The following SEMA3A variants were observed in gnomAD, a reference collection of about 807,000 sequenced individuals.
SEMA3A encodes the protein semaphorin-3A.
SEMA3A carries 29 observed loss-of-function variants against 97.9 expected under a neutral mutation model. The ratio of observed to expected loss-of-function variants is 0.30; its 90% CI spans 0.22 to 0.40. SEMA3A has a LOEUF of 0.40. SEMA3A is among the 10% of genes least tolerant of loss of function. The pLI, the probability that SEMA3A is intolerant of heterozygous loss-of-function variation, is 1.00. For missense variants in SEMA3A, 763 were observed against 951.3 expected (o/e 0.80, Z 2.60); for synonymous variants, 321 against 323.7 (o/e 0.99, Z 0.09).
intron 3 of SEMA3A, among the ~76,000 whole-genome samples, chr7:84,111,082 C>G (rs1036636715): frequency 2.6e-5 from 4 of 152,108 alleles, no homozygotes; most frequent in African/African-American, 9.7e-5. Context: ...TCATTAGTAA[C>G]CCATTTTGGA....
At chr7:83,988,459 G>C (rs1562956606) in intron 12 of SEMA3A, among the ~76,000 whole-genome samples, 3 of 151,890 alleles carry the variant, frequency 2.0e-5, no homozygotes. Flanking sequence ...TCGATCTCCC[G>C]ACCTCGTGAT....
At chr7:84,489,762 T>G (rs1434389375) in intron 1 of SEMA3A, among the ~76,000 whole-genome samples, 2 of 152,112 alleles carry the variant, frequency 1.3e-5, no homozygotes, top group Non-Finnish European at 2.9e-5. Flanking sequence ...TTTCTACACT[T>G]TCTATCTTGA....
At chr7:84,143,878 C>T (rs894028786) in intron 1 of SEMA3A, among the ~76,000 whole-genome samples, 5 of 148,032 alleles carry the variant, frequency 3.4e-5, no homozygotes, top group Non-Finnish European at 6.0e-5. Context: ...TTATTATCAT[C>T]ATTTCAACTA....
intron 4 of SEMA3A, among the ~76,000 whole-genome samples, chr7:84,104,705 A>G (rs1283912055): frequency 1.3e-5 from 2 of 152,134 alleles, no homozygotes; most frequent in Non-Finnish European, 2.9e-5. Flanking sequence ...CACTACCTCT[A>G]TTAATTTTGA....
Position 83,955,785 on chromosome 7 carries a change from T to C in SEMA3A, c.*5586A>G, listed in dbSNP as rs1788268617. On this transcript the variant is annotated 3_prime_UTR_variant, in exon 17 of 17. Transcript: ENST00000265362. ...GAGCTACACAAATGACATGGATATTTTACAAATGTATTTACTTGAGATCTA... is the reference window on the plus strand; with the variant it reads ...GAGCTACACAAATGACATGGATATTCTACAAATGTATTTACTTGAGATCTA... The C allele has an allele frequency of 6.6e-6, 1 of 152,172 alleles. No homozygotes were observed. Among genetic ancestry groups the C allele is most frequent in the Non-Finnish European group, 1.5e-5 (1 of 68,030 alleles). 9.4% of individuals were successfully genotyped at this position (152,172 alleles called of 1,614,324 possible).
chr7:84,064,056 C>G (rs1288079633), intron 4 of SEMA3A, among the ~76,000 whole-genome samples: 1 of 152,182 alleles, frequency 6.6e-6, no homozygotes, highest in Non-Finnish European at 1.5e-5. Context: ...GCCCATCAGA[C>G]TAACAGCTGA....
In SEMA3A at chr7:83,999,374, T is replaced by A. The variant is rs868161645; in HGVS notation, c.1452+2581A>T. On this transcript the variant is annotated intron_variant, in intron 12 of 16. Coordinates refer to ENST00000265362, the MANE Select transcript of SEMA3A (RefSeq NM_006080.3). ...CCCTGGAGATATAAATAATAAAAAT[T>A]CACGAAAACACAATATAAATGCAAA... Among the ~76,000 whole-genome samples, 54 of 152,076 alleles carry A rather than the reference T, an allele frequency of 3.6e-4. 1 individual carries two copies. Among genetic ancestry groups the A allele is most frequent in the African/African-American group, 1.3e-3 (53 of 41,462 alleles).
intron 1 of SEMA3A, among the ~76,000 whole-genome samples, chr7:84,186,891 C>A (rs976360462): frequency 9.2e-5 from 14 of 152,086 alleles, no homozygotes; most frequent in African/African-American, 3.4e-4. Context: ...GTATCTTAAA[C>A]AAAGAATTCA....
At chr7:84,471,931 T>C (rs1426163319) in intron 1 of SEMA3A, among the ~76,000 whole-genome samples, 1 of 152,010 alleles carries the variant, frequency 6.6e-6, no homozygotes, top group Non-Finnish European at 1.5e-5. Context: ...TTCAGGTTTT[T>C]TTTTTTCTTT....
At position 84,052,451 on chromosome 7, in the gene SEMA3A, T is replaced by C. The variant is rs571303287; in HGVS notation, c.548-6008A>G. ...TGGTTTAGTCTTGGGAGAGTGTATGTGTCGAGGAATTTATCCATTTCTTCT... is the reference window on the plus strand; with the variant it reads ...TGGTTTAGTCTTGGGAGAGTGTATGCGTCGAGGAATTTATCCATTTCTTCT... On this transcript the variant is annotated intron_variant, in intron 5 of 16. Coordinates refer to ENST00000265362, the MANE Select transcript of SEMA3A (RefSeq NM_006080.3). Among the ~76,000 whole-genome samples, 198 of 152,242 alleles carry C rather than the reference T, an allele frequency of 1.3e-3. 4 individuals are homozygous for C. The highest frequency in any genetic ancestry group is 0.011 in the East Asian group (55 of 5,164).
chr7:84,333,283 T>C (rs1362694923), intron 2 of SEMA3A, among the ~76,000 whole-genome samples: 1 of 152,120 alleles, frequency 6.6e-6, no homozygotes, highest in Non-Finnish European at 1.5e-5. Flanking sequence ...CTCTGCTAGA[T>C]TGTACAAAAT....
intron 3 of SEMA3A, among the ~76,000 whole-genome samples, chr7:84,209,578 A>G (rs1798576652): frequency 6.6e-6 from 1 of 152,178 alleles, no homozygotes; most frequent in African/African-American, 2.4e-5. Context: ...TATATCCAAA[A>G]GTGTACTTCA....
rs118050277 is a variant in SEMA3A at position 84,413,949 on chromosome 7, G to A, written c.-245-42049C>T. ...CCTATGCATCATTTGCCTCTCTAAA[G>A]CCTTATGAAGTATGTATTATTATTC... On this transcript the variant is annotated intron_variant, in intron 1 of 3. Transcript: ENST00000424555. Among the ~76,000 whole-genome samples the A allele has an allele frequency of 1.6e-3, 241 of 152,038 alleles. 7 individuals carry two copies. In the East Asian group the frequency reaches 0.037, roughly 23 times the overall value.
At chr7:84,460,004 G>A (rs764527907) in intron 1 of SEMA3A, among the ~76,000 whole-genome samples, 53 of 152,112 alleles carry the variant, frequency 3.5e-4, no homozygotes, top group Non-Finnish European at 6.2e-4. Context: ...TGCAGCGGAG[G>A]AGATACAGTG....
At chr7:83,989,715 C>T (rs797812) in intron 12 of SEMA3A, among the ~76,000 whole-genome samples, 88,175 of 125,970 alleles carry the variant, frequency 0.7, 30,584 homozygotes, top group East Asian at 0.87. Context: ...TCCAGTCTAT[C>T]ATTGTTGGAC....
At chr7:84,318,686 A>G (rs894701886) in intron 2 of SEMA3A, among the ~76,000 whole-genome samples, 1 of 152,162 alleles carries the variant, frequency 6.6e-6, no homozygotes, top group Non-Finnish European at 1.5e-5. Context: ...GGGCATAAAA[A>G]GCCTTTCCTG....
intron 4 of SEMA3A, among the ~76,000 whole-genome samples, chr7:84,084,210 A>C (rs975158810): frequency 6.6e-6 from 1 of 152,090 alleles, no homozygotes; most frequent in African/African-American, 2.4e-5. Context: ...CAAGTTGCTA[A>C]GAATTATTTA....
At chr7:84,058,571 G>A (rs1793090156) in intron 5 of SEMA3A, among the ~76,000 whole-genome samples, 1 of 152,160 alleles carries the variant, frequency 6.6e-6, no homozygotes, top group Non-Finnish European at 1.5e-5. Context: ...TATTTTGAAG[G>A]ATTTTGCCAG....
intron 3 of SEMA3A, among the ~76,000 whole-genome samples, chr7:84,301,856 G>A (rs961055075): frequency 6.6e-6 from 1 of 152,114 alleles, no homozygotes; most frequent in Non-Finnish European, 1.5e-5. Context: ...TGGTACAACC[G>A]TTTTGGAAAA....
Sources: gnomAD v4.1 joint callset for allele counts (sites outside exome capture counted in the v4.1 genomes callset) on GRCh38, gnomAD v4.1.1 for gene constraint, MANE v1.5 for transcripts, NCBI Gene and HGNC (gene_info 2026-07-23, HGNC 2026-07-21) for gene names.